The following CALN1 variants were observed in gnomAD, a reference collection of about 807,000 sequenced individuals.
CALN1 encodes calneuron 1, also known as calcium-binding protein 8.
In CALN1, 17 loss-of-function variants were observed where a neutral mutation model predicts 30.6. The ratio of observed to expected loss-of-function variants is 0.56; its 90% CI spans 0.38 to 0.83. The LOEUF (loss-of-function observed/expected upper bound fraction) is 0.83. CALN1 is among the 40% of genes least tolerant of loss of function. The pLI, the probability that CALN1 is intolerant of heterozygous loss-of-function variation, is 0.00. For missense variants in CALN1, 291 were observed against 354.9 expected (o/e 0.82, Z 1.45); for synonymous variants, 156 against 131.4 (o/e 1.19, Z -1.28).
At chr7:71,974,457 A>T (rs1798004340) in intron 5 of CALN1, among the ~76,000 whole-genome samples, 1 of 149,720 alleles carries the variant, frequency 6.7e-6, no homozygotes, top group Admixed American at 6.6e-5. Context: ...AAAGAAAAAG[A>T]AAAAAAAACC....
chr7:72,391,186 A>G (rs1451538478), intron 2 of CALN1, among the ~76,000 whole-genome samples: 1 of 152,186 alleles, frequency 6.6e-6, no homozygotes. Context: ...ACTTGGTAGC[A>G]GCCACATATT....
chr7:72,062,525 A>AAAAG lies in CALN1; in HGVS notation c.389-38757_389-38756insCTTT, dbSNP rs1554428115. Among the ~76,000 whole-genome samples, 54 of 148,210 alleles carry AAAAG rather than the reference A, an allele frequency of 3.6e-4. 1 individual carries two copies. The highest frequency in any genetic ancestry group is 1.3e-3 in the African/African-American group (52 of 38,720). On this transcript the variant is annotated intron_variant, in intron 4 of 6. Transcript: ENST00000395275. ...AGACTCTATCTCAAAAAAAAAAAAA[A>AAAAG]AAAAAGAAAAAAAATAAATAAATAA...
At chr7:72,407,383 G>A (rs910670907) in intron 1 of CALN1, among the ~76,000 whole-genome samples, 1 of 152,220 alleles carries the variant, frequency 6.6e-6, no homozygotes, top group East Asian at 1.9e-4. Context: ...ATGTCAAACT[G>A]TAATCCCCAA....
chr7:72,291,131 C>T (rs953750831), intron 2 of CALN1, among the ~76,000 whole-genome samples: 1 of 152,090 alleles, frequency 6.6e-6, no homozygotes. Context: ...ACCATGTTGG[C>T]CAGGCTGGTT....
At chr7:72,408,272 A>T (rs1360361394) in intron 1 of CALN1, among the ~76,000 whole-genome samples, 5 of 61,154 alleles carry the variant, frequency 8.2e-5, no homozygotes, top group Admixed American at 7.8e-4. Context: ...ATCTCTATTA[A>T]AAAAAAAAAA....
chr7:71,890,547 A>G (rs1166704064), intron 5 of CALN1, among the ~76,000 whole-genome samples: 1 of 152,174 alleles, frequency 6.6e-6, no homozygotes, highest in Non-Finnish European at 1.5e-5. Context: ...TTACAGTAGC[A>G]ACACATGCTC....
chr7:72,501,715 C>A, the CALN1 span, among the ~76,000 whole-genome samples: 1 of 150,236 alleles, frequency 6.7e-6, no homozygotes, highest in Non-Finnish European at 1.5e-5. Context: ...TAGAGACCAG[C>A]GTGACCAATA....
At chr7:71,832,984 C>T (rs770730299) in intron 5 of CALN1, among the ~76,000 whole-genome samples, 1 of 152,154 alleles carries the variant, frequency 6.6e-6, no homozygotes, top group Non-Finnish European at 1.5e-5. Flanking sequence ...TGTATGCCAG[C>T]CATTCTACTT....
At position 72,247,013 on chromosome 7, in the gene CALN1, C is replaced by T. The variant is rs79362850; in HGVS notation, c.244+31673G>A. Among the ~76,000 whole-genome samples the T allele has an allele frequency of 1.6e-3, 246 of 152,112 alleles. No individual in the cohort carries two copies. In the East Asian group the frequency reaches 0.021, roughly 13 times the overall value. On this transcript the variant is annotated intron_variant, in intron 3 of 6. Transcript: ENST00000395275. ...AGGTGATCTGCCCGCCTCGGCCTCC[C>T]GAAGTGCTGGGATTACAGGCAAGAG...
intron 2 of CALN1, among the ~76,000 whole-genome samples, chr7:72,286,713 G>C (rs1424261037): frequency 6.6e-6 from 1 of 152,188 alleles, no homozygotes; most frequent in African/African-American, 2.4e-5. Context: ...ACTTGGTTTG[G>C]ACAGATCTCA....
intron 5 of CALN1, among the ~76,000 whole-genome samples, chr7:71,822,527 C>T (rs562422290): frequency 2.1e-4 from 32 of 152,270 alleles, no homozygotes; most frequent in African/African-American, 7.0e-4. Context: ...GGATTGCAGG[C>T]GTGAGTCACC....
chr7:72,147,237 T>C (rs926876790), intron 3 of CALN1, among the ~76,000 whole-genome samples: 1 of 151,964 alleles, frequency 6.6e-6, no homozygotes, highest in Non-Finnish European at 1.5e-5. Flanking sequence ...AGGGCTAATA[T>C]CCAGAATCTA....
At chr7:71,941,524 A>C (rs1234232123) in intron 5 of CALN1, among the ~76,000 whole-genome samples, 4 of 152,270 alleles carry the variant, frequency 2.6e-5, no homozygotes, top group Middle Eastern at 3.4e-3. Context: ...AATTCACAGA[A>C]AGGTAAACCC....
At chr7:72,428,691 A>G (rs1456270088) in intron 1 of CALN1, among the ~76,000 whole-genome samples, 1 of 152,198 alleles carries the variant, frequency 6.6e-6, no homozygotes, top group East Asian at 1.9e-4. Flanking sequence ...TCAGGATGAC[A>G]CCAGCAGCTA....
chr7:72,375,082 G>A (rs1804477779), intron 2 of CALN1, among the ~76,000 whole-genome samples: 1 of 152,150 alleles, frequency 6.6e-6, no homozygotes. Flanking sequence ...AGATGACATG[G>A]TAGTTGTATT....
At position 72,338,470 on chromosome 7, in the gene CALN1, A is replaced by AGTGTGTGTGTGTGTGT. The variant is rs56695086; in HGVS notation, c.120-59676_120-59661dup. On this transcript the variant is annotated intron_variant, in intron 2 of 6. Transcript: ENST00000395275. ...GGGCGTTTTTGTCAGCCAGCAGCAC[A>AGTGTGTGTGTGTGTGT]GTGTGTGTGTGTGTGTGTGTGTGTG... 9.8e-3 allele frequency among the ~76,000 whole-genome samples: 733 copies of AGTGTGTGTGTGTGTGT among 74,704 alleles called. 48 individuals are homozygous for AGTGTGTGTGTGTGTGT. Among genetic ancestry groups the AGTGTGTGTGTGTGTGT allele is most frequent in the Middle Eastern group, 0.021 (3 of 140 alleles). 49.0% of individuals were successfully genotyped at this position (74,704 alleles called of 152,430 possible). A position where few individuals can be genotyped will look rare whatever the true frequency, so the allele number is the denominator to read the frequency against.
At chr7:72,466,805 G>A in the CALN1 span, among the ~76,000 whole-genome samples, 1 of 139,530 alleles carries the variant, frequency 7.2e-6, no homozygotes, top group Non-Finnish European at 1.6e-5. Flanking sequence ...AGGAAAGGAA[G>A]AAAGGAAGAA....
At chr7:72,344,920 G>T (rs1802556026) in intron 2 of CALN1, among the ~76,000 whole-genome samples, 1 of 146,360 alleles carries the variant, frequency 6.8e-6, no homozygotes, top group Non-Finnish European at 1.5e-5. Flanking sequence ...ATGTATATGT[G>T]AACATATATT....
At chr7:71,881,893 C>A (rs1171449022) in intron 5 of CALN1, among the ~76,000 whole-genome samples, 3 of 147,224 alleles carry the variant, frequency 2.0e-5, no homozygotes, top group African/African-American at 7.5e-5. Flanking sequence ...AGCAATGTAG[C>A]AATACCCTAT....
Sources: gnomAD v4.1 joint callset for allele counts (sites outside exome capture counted in the v4.1 genomes callset) on GRCh38, gnomAD v4.1.1 for gene constraint, MANE v1.5 for transcripts, NCBI Gene and HGNC (gene_info 2026-07-23, HGNC 2026-07-21) for gene names.